CFAP54: variants seen among roughly 807,000 people sequenced by gnomAD.
CFAP54 encodes the protein cilia- and flagella-associated protein 54.
In CFAP54, 290 loss-of-function variants were observed where a neutral mutation model predicts 370.4. The ratio of observed to expected loss-of-function variants is 0.78; its 90% confidence interval spans 0.71 to 0.86. The LOEUF is 0.86. Ranked by LOEUF, CFAP54 falls within the 40% of genes least tolerant of loss-of-function variation. CFAP54 has a pLI of 0.00. For synonymous variants in CFAP54, 1,206 were observed against 1,236.5 expected, an observed-to-expected ratio of 0.98 and a Z score of 0.52; for missense variants, 3,399 against 3,528.7, an observed-to-expected ratio of 0.96 and a Z score of 0.93.
chr12:96,571,843 T>G (rs1466150961), intron 19 of CFAP54, among the ~76,000 whole-genome samples: 1 of 152,238 alleles, frequency 6.6e-6, no homozygotes, highest in Non-Finnish European at 1.5e-5. Flanking sequence ...ATTGGCTGCC[T>G]TAAATTAGGA....
Position 96,811,753 on chromosome 12 carries a change from A to G in CFAP54, c.8868A>G (p.Ala2956=). The G allele has an allele frequency of 6.6e-7, 1 of 1,505,382 alleles. No homozygotes were observed. The highest frequency in any genetic ancestry group is 8.8e-7 in the Non-Finnish European group (1 of 1,130,320). 93.3% of individuals were successfully genotyped at this position (1,505,382 alleles called of 1,614,324 possible). A position where few individuals can be genotyped will look rare whatever the true frequency, so the allele number is the denominator to read the frequency against. The change falls in exon 64 of 68, where the codon GCA becomes GCG. Residue 2956 remains alanine (A), a synonymous_variant. Transcript: ENST00000524981. ...ETEPMVLLLY[A]YNLKPLKISD... is the part of the protein sequence containing the mutation. Reference sequence around the variant, plus strand: ...TCTTATAGGTTTTATTGTTGTATGCATATAATTTGAAGCCTCTGAAGATTT... The same window carrying G: ...TCTTATAGGTTTTATTGTTGTATGCGTATAATTTGAAGCCTCTGAAGATTT...
chr12:96,792,410 G>A lies in CFAP54; in HGVS notation c.8761G>A (p.Glu2921Lys). ...GSSCVDITPI[E>K]MVTQASNKEL... is the part of the protein sequence containing the mutation. ...ATCTTGTGTGGACATAACGCCAATA[G>A]AAATGGTAACGCAAGCTTCAAACAA... is the stretch of plus-strand genomic sequence containing the variant. Residue 2921 changes from glutamate (E) to lysine (K), a missense_variant, in exon 63 of 68, where the codon GAA becomes AAA. Transcript: ENST00000524981. 1 of 1,535,892 alleles carries A rather than the reference G, an allele frequency of 6.5e-7. No individual in the cohort carries two copies. The highest frequency in any genetic ancestry group is 1.2e-5 in the South Asian group (1 of 84,044).
intron 36 of CFAP54, among the ~76,000 whole-genome samples, chr12:96,653,977 TTAA>T (rs1956891923): frequency 6.6e-6 from 1 of 152,124 alleles, no homozygotes; most frequent in African/African-American, 2.4e-5. Flanking sequence ...TCAATTTTTG[TTAA>T]TAAGTTTGAT....
intron 26 of CFAP54, among the ~76,000 whole-genome samples, chr12:96,614,523 G>C (rs1346116470): frequency 6.6e-6 from 1 of 152,164 alleles, no homozygotes; most frequent in Non-Finnish European, 1.5e-5. Flanking sequence ...GGGCAATCAG[G>C]CAGGAGAAAG....
In CFAP54 at chr12:96,547,883, T is replaced by C. The variant is rs1592845009; in HGVS notation, c.2078-19T>C. The C allele has an allele frequency of 3.7e-6, 5 of 1,356,886 alleles. No individual in the cohort carries two copies. In the East Asian group the frequency reaches 7.9e-5, roughly 22 times the overall value. 84.1% of individuals were successfully genotyped at this position (1,356,886 alleles called of 1,614,324 possible). On this transcript the variant is annotated intron_variant, in intron 14 of 67. Coordinates refer to ENST00000524981, the MANE Select transcript of CFAP54 (RefSeq NM_001306084.2). ...TCCCCTCCATCCTTCATTCCCTTCC[T>C]CCTTCCTTTCTTTTCCAGATGTACC... is the stretch of plus-strand genomic sequence containing the variant.
chr12:96,498,024 A>G (rs1954977586), intron 1 of CFAP54, among the ~76,000 whole-genome samples: 1 of 152,214 alleles, frequency 6.6e-6, no homozygotes, highest in African/African-American at 2.4e-5. Flanking sequence ...CTTGTGGTCT[A>G]GATCAAAACC....
chr12:96,835,941 A>T (rs1418810421), intron 66 of CFAP54, among the ~76,000 whole-genome samples: 2 of 152,214 alleles, frequency 1.3e-5, no homozygotes, highest in Non-Finnish European at 2.9e-5. Flanking sequence ...ATAAAGGAAA[A>T]GAACTAGGAC....
chr12:96,852,806 A>G (rs564323527), intron 66 of CFAP54, among the ~76,000 whole-genome samples: 9 of 152,236 alleles, frequency 5.9e-5, no homozygotes, highest in African/African-American at 1.9e-4. Flanking sequence ...AGAAAAAGAC[A>G]CCTCAATATA....
intron 60 of CFAP54, among the ~76,000 whole-genome samples, chr12:96,767,311 T>G (rs118098568): frequency 1.3e-5 from 2 of 152,226 alleles, no homozygotes; most frequent in African/African-American, 2.4e-5. Context: ...TGTGATTAAT[T>G]AATGATGTCA....
chr12:96,501,159 CA>C (rs1261123577), intron 2 of CFAP54: 1 of 386,630 alleles, frequency 2.6e-6, no homozygotes, highest in African/African-American at 2.1e-5. Flanking sequence ...CCTGAACAGC[CA>C]GGCAGCTGGC....
At chr12:96,864,278 G>A (rs1430252977) in intron 67 of CFAP54, among the ~76,000 whole-genome samples, 1 of 152,174 alleles carries the variant, frequency 6.6e-6, no homozygotes, top group Admixed American at 6.5e-5. Context: ...AGACACAGGC[G>A]AGGGAAGTCA....
At chr12:96,825,226 C>G (rs1046986500) in intron 65 of CFAP54, among the ~76,000 whole-genome samples, 1 of 133,370 alleles carries the variant, frequency 7.5e-6, no homozygotes, top group Non-Finnish European at 1.5e-5. Flanking sequence ...TATATATTCT[C>G]TCCCACATCT....
rs1489403382 is a variant in CFAP54 at position 96,691,236 on chromosome 12, G to A, written c.6190G>A (p.Ala2064Thr). 6.2e-7 allele frequency: 1 copy of A among 1,613,028 alleles called. No homozygotes were observed. Among genetic ancestry groups the A allele is most frequent in the South Asian group, 1.1e-5 (1 of 90,860 alleles). The stretch of plus-strand genomic sequence containing the variant: ...TGAACTCTTCTCAGATAGATACAGG[G>A]CTGACATTTGCTCTGTAATTGCAAG... Reference protein sequence around the residue: ...GIELFSDRYRADICSVIASLY... With the variant: ...GIELFSDRYRTDICSVIASLY... Residue 2064 changes from alanine (A) to threonine (T), a missense_variant, in exon 44 of 68, where the codon GCT becomes ACT. By Grantham distance (58) the Ala-to-Thr change is moderately conservative. Transcript: ENST00000524981.
intron 39 of CFAP54, among the ~76,000 whole-genome samples, chr12:96,675,945 G>A (rs981092142): frequency 1.3e-5 from 2 of 151,840 alleles, no homozygotes; most frequent in African/African-American, 4.8e-5. Context: ...TTTTGGGGTG[G>A]GGGGCAGGGG....
intron 67 of CFAP54, among the ~76,000 whole-genome samples, chr12:96,874,758 T>C (rs1260609076): frequency 1.3e-5 from 2 of 150,602 alleles, no homozygotes; most frequent in South Asian, 2.1e-4. Flanking sequence ...GCCTCCCGAG[T>C]AGCTGGGACT....
Position 96,658,075 on chromosome 12 carries a change from C to T in CFAP54, c.5294C>T (p.Ser1765Phe). Residue 1765 changes from serine (S) to phenylalanine (F), a missense_variant, in exon 37 of 68, where the codon TCT becomes TTT. Transcript: ENST00000524981. ...GTGGAAAAATGGGAAACACTAGTAT[C>T]TCTTGCCATTCAGTTCAATACAGTT... ...YQVEKWETLVSLAIQFNTVSH... is the reference protein window; with the variant it reads ...YQVEKWETLVFLAIQFNTVSH... 6.2e-7 allele frequency: 1 copy of T among 1,613,556 alleles called. No individual in the cohort carries two copies. Among genetic ancestry groups the T allele is most frequent in the Non-Finnish European group, 8.5e-7 (1 of 1,179,748 alleles).
chr12:96,840,766 C>G (rs1192982982), intron 66 of CFAP54, among the ~76,000 whole-genome samples: 2 of 151,968 alleles, frequency 1.3e-5, no homozygotes, highest in Middle Eastern at 3.2e-3. Context: ...GAGACATCCA[C>G]TTAATATTCT....
chr12:96,561,792 T>TG (rs71068817), intron 17 of CFAP54, among the ~76,000 whole-genome samples: 13 of 148,794 alleles, frequency 8.7e-5, no homozygotes, highest in Admixed American at 1.3e-4. Flanking sequence ...TTTTTTTTTT[T>TG]GAGATGGAGT....
rs1379643753 is a variant in CFAP54, at chr12:96,540,922, C to T, written c.2012C>T (p.Thr671Ile). The T allele has an allele frequency of 6.6e-7, 1 of 1,520,862 alleles. No individual in the cohort carries two copies. The highest frequency in any genetic ancestry group is 8.8e-7 in the Non-Finnish European group (1 of 1,140,588). 94.2% of individuals were successfully genotyped at this position (1,520,862 alleles called of 1,614,324 possible). Residue 671 changes from threonine to isoleucine, a missense_variant, in exon 14 of 68, where the codon ACA (threonine) becomes ATA (isoleucine). Thr to Ile is a moderately conservative substitution (Grantham distance 89, BLOSUM62 -1). This residue lies in a region of CFAP54 where 2,796 missense variants were observed against 2,869.7 expected (regional missense o/e 0.97). Transcript: ENST00000524981. ...DIDIVVVAEV[T>I]LRLSEILESL... is the part of the protein sequence containing the mutation. ...GACATTGTGGTAGTGGCAGAAGTCA[C>T]ATTACGGTTAAGTGAAATATTGGAA...
Sources: gnomAD v4.1 joint callset for allele counts (sites outside exome capture counted in the v4.1 genomes callset) on GRCh38, gnomAD v4.1.1 for gene constraint, gnomAD v4.1.1 regional missense constraint, MANE v1.5 for transcripts, NCBI Gene and HGNC (gene_info 2026-07-23, HGNC 2026-07-21) for gene names.